REDIC1: variants seen among roughly 807,000 people sequenced by gnomAD.
REDIC1 encodes HEI10 Interacting Protein 1.
At chr12:39,821,206 G>A in the REDIC1 span, among the ~76,000 whole-genome samples, 1 of 152,110 alleles carries the variant, frequency 6.6e-6, no homozygotes, top group African/African-American at 2.4e-5. Flanking sequence ...GAGGTCAGGA[G>A]ATCGAGACCA....
chr12:39,861,880 TA>T, the REDIC1 span, among the ~76,000 whole-genome samples: 1 of 152,200 alleles, frequency 6.6e-6, no homozygotes, highest in African/African-American at 2.4e-5. Context: ...TTTTTAAATT[TA>T]ATTTTAAGTT....
the REDIC1 span, among the ~76,000 whole-genome samples, chr12:39,879,232 C>T: frequency 1.3e-5 from 2 of 152,242 alleles, no homozygotes; most frequent in African/African-American, 2.4e-5. Context: ...CAGAGAACCC[C>T]TACTAGGGAA....
At chr12:39,876,155 G>C in the REDIC1 span, among the ~76,000 whole-genome samples, 12 of 152,234 alleles carry the variant, frequency 7.9e-5, no homozygotes, top group African/African-American at 2.9e-4. Context: ...TGAAAGGTTT[G>C]CAACTCTCTG....
At chr12:39,764,336 A>G in the REDIC1 span, 4 of 839,454 alleles carry the variant, frequency 4.8e-6, no homozygotes, top group Non-Finnish European at 7.0e-6. Flanking sequence ...CAAGAAAGCC[A>G]CATGGAGATA....
chr12:39,684,815 A>G, the REDIC1 span: 1 of 1,327,050 alleles, frequency 7.5e-7, no homozygotes, highest in Non-Finnish European at 1.1e-6. Context: ...TAGAACAATA[A>G]TTCCCAGAGG....
chr12:39,828,012 A>G, the REDIC1 span, among the ~76,000 whole-genome samples: 1 of 152,154 alleles, frequency 6.6e-6, no homozygotes, highest in East Asian at 1.9e-4. Flanking sequence ...CTTTGCCCTT[A>G]GAGTTCCATT....
chr12:39,861,080 G>A, the REDIC1 span, among the ~76,000 whole-genome samples: 25 of 152,214 alleles, frequency 1.6e-4, no homozygotes, highest in African/African-American at 5.5e-4. Context: ...CACTTGCCAC[G>A]TTCCTTACTG....
chr12:39,675,833 C>T, the REDIC1 span, among the ~76,000 whole-genome samples: 1 of 152,186 alleles, frequency 6.6e-6, no homozygotes, highest in African/African-American at 2.4e-5. Flanking sequence ...CTGATAGCCT[C>T]ACTGGGGGGC....
chr12:39,784,918 GA>G, the REDIC1 span, among the ~76,000 whole-genome samples: 3 of 152,210 alleles, frequency 2.0e-5, no homozygotes, highest in Non-Finnish European at 4.4e-5. Context: ...GTATCTGGTG[GA>G]AGAAATTTCT....
At chr12:39,685,046 A>T in the REDIC1 span, 6 of 618,706 alleles carry the variant, frequency 9.7e-6, no homozygotes, top group Admixed American at 2.1e-4. Flanking sequence ...TTTTTATTGG[A>T]TGGACTCTTT....
chr12:39,812,300 C>T, the REDIC1 span, among the ~76,000 whole-genome samples: 1 of 151,252 alleles, frequency 6.6e-6, no homozygotes, highest in African/African-American at 2.5e-5. Flanking sequence ...TCCCAAAGGC[C>T]CCACCTCTAA....
chr12:39,733,558 G>C, the REDIC1 span, among the ~76,000 whole-genome samples: 1 of 151,996 alleles, frequency 6.6e-6, no homozygotes, highest in African/African-American at 2.4e-5. Flanking sequence ...GGGTACATGT[G>C]CACAATGTGC....
the REDIC1 span, among the ~76,000 whole-genome samples, chr12:39,711,747 A>ACACATGCATGTGTATGTGTGTGTG: frequency 2.7e-4 from 29 of 107,996 alleles, no homozygotes; most frequent in Admixed American, 8.4e-4. Context: ...ATGTGTGTAT[A>ACACATGCATGTGTATGTGTGTGTG]CACATGCATG....
At chr12:39,646,343 C>T in the REDIC1 span, 2 of 1,310,800 alleles carry the variant, frequency 1.5e-6, no homozygotes, top group South Asian at 2.4e-5. Context: ...TGTGAGAAAA[C>T]CAACCCATGT....
chr12:39,747,682 G>T, the REDIC1 span, among the ~76,000 whole-genome samples: 1 of 152,162 alleles, frequency 6.6e-6, no homozygotes, highest in Non-Finnish European at 1.5e-5. Context: ...AGAGAGAAAG[G>T]TTGGGTTACC....
At chr12:39,819,489 T>C in the REDIC1 span, among the ~76,000 whole-genome samples, 10 of 152,194 alleles carry the variant, frequency 6.6e-5, no homozygotes, top group Admixed American at 4.6e-4. Context: ...CATTATTTGA[T>C]GTTCCTAAAA....
chr12:39,713,274 A>G, the REDIC1 span, among the ~76,000 whole-genome samples: 1 of 56,542 alleles, frequency 1.8e-5, no homozygotes, highest in African/African-American at 4.5e-5. Context: ...ATATGTGTAC[A>G]CACACATACG....
chr12:39,696,309 C>T, the REDIC1 span, among the ~76,000 whole-genome samples: 9 of 151,082 alleles, frequency 6.0e-5, no homozygotes, highest in East Asian at 6.0e-4. Context: ...TTTGGGAGGC[C>T]GAGGCGGGCG....
chr12:39,888,860 C>T, the REDIC1 span, among the ~76,000 whole-genome samples: 1 of 151,932 alleles, frequency 6.6e-6, no homozygotes, highest in Non-Finnish European at 1.5e-5. Flanking sequence ...ATGATTTGAC[C>T]CACATAGCTA....
Sources: allele counts gnomAD v4.1 joint callset (sites outside exome capture counted in the v4.1 genomes callset), GRCh38; gene constraint gnomAD v4.1.1; transcripts MANE v1.5; gene names NCBI Gene and HGNC (gene_info 2026-07-23, HGNC 2026-07-21).